Variants in REV3L observed in about 807,000 individuals in gnomAD.
REV3L encodes REV3 like, DNA directed polymerase zeta catalytic subunit.
Under a neutral mutation model 299.4 loss-of-function variants are expected in REV3L, and 69 were observed. The ratio of observed to expected loss-of-function variants is 0.23; its 90% CI spans 0.19 to 0.28. The LOEUF is 0.28. Ranked by LOEUF, REV3L falls within the 10% of genes least tolerant of loss-of-function variation. REV3L has a pLI of 1.00. For missense variants in REV3L, 3,128 were observed against 3,693.8 expected (o/e 0.85, Z 3.97); for synonymous variants, 1,238 against 1,271.4 (o/e 0.97, Z 0.56).
intron 1 of REV3L, among the ~76,000 whole-genome samples, chr6:111,449,536 C>T (rs1448238315): frequency 6.6e-6 from 1 of 152,230 alleles, no homozygotes; most frequent in African/African-American, 2.4e-5. Flanking sequence ...ATCCCAAGGG[C>T]TCACACAGTA....
chr6:111,438,480 T>C (rs1192977768), intron 1 of REV3L, among the ~76,000 whole-genome samples: 1 of 150,938 alleles, frequency 6.6e-6, no homozygotes, highest in Non-Finnish European at 1.5e-5. Context: ...GTACCTGGCT[T>C]TAAACCCTGA....
intron 1 of REV3L, among the ~76,000 whole-genome samples, chr6:111,425,241 G>A (rs572518386): frequency 2.0e-5 from 3 of 152,240 alleles, no homozygotes; most frequent in East Asian, 1.9e-4. Context: ...GGCAGATTAC[G>A]AGGTCAGGAG....
intron 1 of REV3L, among the ~76,000 whole-genome samples, chr6:111,437,541 A>G (rs1026748522): frequency 6.6e-6 from 1 of 151,474 alleles, no homozygotes; most frequent in African/African-American, 2.4e-5. Context: ...TTTTAATTTT[A>G]TATTATATAG....
At chr6:111,470,455 T>G (rs1792061383) in intron 1 of REV3L, among the ~76,000 whole-genome samples, 1 of 152,146 alleles carries the variant, frequency 6.6e-6, no homozygotes, top group East Asian at 1.9e-4. Flanking sequence ...AACTGTAAAA[T>G]GGGGATAACA....
In REV3L at chr6:111,309,843, G is replaced by A. The variant is rs1772766588; in HGVS notation, c.9042+10C>T. The A allele has an allele frequency of 9.3e-6, 15 of 1,611,274 alleles. No homozygotes were observed. The highest frequency in any genetic ancestry group is 1.3e-5 in the Non-Finnish European group (15 of 1,178,642). On this transcript the variant is annotated intron_variant, in intron 30 of 31. Coordinates refer to ENST00000368802, the MANE Select transcript of REV3L (RefSeq NM_001372078.1). Reference sequence around the variant, plus strand: ...ATAGTTAGAGCACATGTACTATTTGGTAAGCTTACCCTTGGTAATTCATGA... The same window carrying A: ...ATAGTTAGAGCACATGTACTATTTGATAAGCTTACCCTTGGTAATTCATGA...
intron 4 of REV3L, among the ~76,000 whole-genome samples, chr6:111,404,304 T>C (rs1783398420): frequency 6.6e-6 from 1 of 152,192 alleles, no homozygotes; most frequent in Admixed American, 6.5e-5. Context: ...AGCCCATTTT[T>C]GAGAACTACT....
chr6:111,310,205 C>T (rs1045113087), intron 29 of REV3L, 106 bp from the exon 30 acceptor site: 1 of 1,342,490 alleles, frequency 7.4e-7, no homozygotes, highest in Non-Finnish European at 9.9e-7. Flanking sequence ...GAAAAAACTA[C>T]AAAAGACAAT....
intron 31 of REV3L, among the ~76,000 whole-genome samples, chr6:111,300,774 G>A (rs879212642): frequency 5.9e-5 from 9 of 151,922 alleles, no homozygotes; most frequent in South Asian, 2.1e-4. Context: ...TTTTAATTCC[G>A]TCATCTCCGT....
chr6:111,470,541 AC>A (rs1177394975), intron 1 of REV3L, among the ~76,000 whole-genome samples: 2 of 152,216 alleles, frequency 1.3e-5, no homozygotes, highest in African/African-American at 4.8e-5. Context: ...ACGGTTTACC[AC>A]CTCGTTTAGT....
intron 1 of REV3L, among the ~76,000 whole-genome samples, chr6:111,418,395 T>C (rs1784983724): frequency 2.0e-5 from 3 of 152,220 alleles, no homozygotes. Context: ...ACAAAGTGTC[T>C]TAAAAATAAT....
intron 1 of REV3L, among the ~76,000 whole-genome samples, chr6:111,438,014 A>ATTTTTTTT (rs113741430): frequency 1.4e-5 from 2 of 146,644 alleles, no homozygotes; most frequent in Non-Finnish European, 1.5e-5. Flanking sequence ...CACCTGCCTA[A>ATTTTTTTT]TTTTTTTTTT....
chr6:111,458,918 A>G (rs768436934), intron 1 of REV3L, among the ~76,000 whole-genome samples: 1 of 152,148 alleles, frequency 6.6e-6, no homozygotes, highest in Non-Finnish European at 1.5e-5. Context: ...TTTTCACAGA[A>G]TCAGAAAAAA....
intron 1 of REV3L, among the ~76,000 whole-genome samples, chr6:111,441,165 T>C (rs920056421): frequency 2.0e-5 from 3 of 152,250 alleles, no homozygotes; most frequent in African/African-American, 7.2e-5. Flanking sequence ...ATTTCTGTTA[T>C]AGATTTTATT....
chr6:111,310,285 A>G (rs1772830142), intron 29 of REV3L, 186 bp from the exon 30 acceptor site: 1 of 587,536 alleles, frequency 1.7e-6, no homozygotes, highest in African/African-American at 1.9e-5. Flanking sequence ...CCAAGTGTAG[A>G]TATCCTACAA....
chr6:111,420,196 A>G (rs1047202806), intron 1 of REV3L, among the ~76,000 whole-genome samples: 4 of 152,176 alleles, frequency 2.6e-5, no homozygotes, highest in African/African-American at 9.7e-5. Flanking sequence ...GGTAACATAT[A>G]GATTTAAGGA....
At chr6:111,466,948 T>G (rs951669670) in intron 1 of REV3L, among the ~76,000 whole-genome samples, 1 of 152,204 alleles carries the variant, frequency 6.6e-6, no homozygotes, top group Non-Finnish European at 1.5e-5. Context: ...AAAACTTCCT[T>G]TCAATTTTCA....
chr6:111,324,946 C>T (rs1226524704), intron 25 of REV3L, among the ~76,000 whole-genome samples: 2 of 151,634 alleles, frequency 1.3e-5, no homozygotes, highest in East Asian at 1.9e-4. Context: ...ACTGCAACCT[C>T]TACCTCCCGG....
chr6:111,405,593 T>G lies in REV3L; in HGVS notation c.442A>C (p.Lys148Gln). The G allele has an allele frequency of 1.2e-6, 2 of 1,607,218 alleles. No individual in the cohort carries two copies. The highest frequency in any genetic ancestry group is 1.7e-6 in the Non-Finnish European group (2 of 1,177,558). Residue 148 changes from lysine (K) to glutamine (Q), a missense_variant, in exon 4 of 32, where the codon AAA (lysine) becomes CAA (glutamine). By Grantham distance (53) the Lys-to-Gln change is moderately conservative. Transcript: ENST00000368802. ...TGCGCTTCATGAGGCTGGTAAAATT[T>G]ATTCATTATGGCTCCGCTTTGCAAA... The part of the protein sequence containing the change: ...ELLQSGAIMN[K>Q]FYQPHEAHIP...
intron 1 of REV3L, among the ~76,000 whole-genome samples, chr6:111,421,700 T>G (rs746244581): frequency 3.9e-5 from 6 of 152,124 alleles, no homozygotes; most frequent in Non-Finnish European, 8.8e-5. Context: ...ATACTCATTG[T>G]GTAATTTGCA....
Sources: allele counts gnomAD v4.1 joint callset (sites outside exome capture counted in the v4.1 genomes callset), GRCh38; gene constraint gnomAD v4.1.1; transcripts MANE v1.5; gene names NCBI Gene and HGNC (gene_info 2026-07-23, HGNC 2026-07-21).